Variants in FBN2 observed in about 807,000 individuals in gnomAD.
The protein encoded by FBN2 is fibrillin-2.
A neutral mutation model predicts 355.6 loss-of-function variants in FBN2; 105 were observed. The ratio of observed to expected loss-of-function variants is 0.30; its 90% CI spans 0.25 to 0.35. FBN2 has a LOEUF of 0.35. FBN2 is among the 10% of genes least tolerant of loss of function. The pLI is 1.00. For missense variants in FBN2, 3,280 were observed against 3,758.7 expected, an observed-to-expected ratio of 0.87 and a Z score of 3.33; for synonymous variants, 1,350 against 1,301.2, an observed-to-expected ratio of 1.04 and a Z score of -0.81.
At chr5:128,457,333 T>A (rs1754419954) in intron 6 of FBN2, among the ~76,000 whole-genome samples, 1 of 151,714 alleles carries the variant, frequency 6.6e-6, no homozygotes, top group Non-Finnish European at 1.5e-5. Context: ...TTGACTGGAG[T>A]ACCAGGAGGA....
chr5:128,335,672 T>C (rs1750816018), intron 28 of FBN2, 95 bp from the exon 29 acceptor site: 1 of 1,430,540 alleles, frequency 7.0e-7, no homozygotes, highest in Non-Finnish European at 9.9e-7. Flanking sequence ...GGCTTTGAAT[T>C]TTTCTCCCCA....
intron 25 of FBN2, among the ~76,000 whole-genome samples, chr5:128,341,458 A>G (rs1202337730): frequency 1.3e-5 from 2 of 152,206 alleles, no homozygotes; most frequent in East Asian, 3.9e-4. Flanking sequence ...TCTTCAGGAA[A>G]GAAGGACTTA....
chr5:128,451,774 T>C (rs913782447), intron 6 of FBN2, among the ~76,000 whole-genome samples: 1 of 152,174 alleles, frequency 6.6e-6, no homozygotes, highest in African/African-American at 2.4e-5. Context: ...AGAAACTTGT[T>C]TTCCTGGCAG....
At chr5:128,478,735 A>G (rs1414831882) in intron 5 of FBN2, among the ~76,000 whole-genome samples, 2 of 152,210 alleles carry the variant, frequency 1.3e-5, no homozygotes, top group Non-Finnish European at 2.9e-5. Flanking sequence ...ACAGAACACT[A>G]GGAGAACTAT....
chr5:128,273,207 A>G (rs1006437394), intron 61 of FBN2, among the ~76,000 whole-genome samples: 1 of 152,236 alleles, frequency 6.6e-6, no homozygotes, highest in South Asian at 2.1e-4. Flanking sequence ...TTCTTGTCAT[A>G]CACTGCCACT....
chr5:128,526,026 GACCT>G (rs749364132), intron 4 of FBN2, among the ~76,000 whole-genome samples: 13 of 152,126 alleles, frequency 8.5e-5, no homozygotes, highest in Non-Finnish European at 7.4e-5. Context: ...AAAAAAAGTT[GACCT>G]ACCCCTGACC....
intron 35 of FBN2, 127 bp from the exon 36 acceptor site, chr5:128,318,398 A>G (rs542676513): frequency 2.1e-6 from 2 of 931,368 alleles, no homozygotes; most frequent in Non-Finnish European, 3.5e-6. Flanking sequence ...GACTCAACAC[A>G]ATAAAATAAA....
intron 5 of FBN2, among the ~76,000 whole-genome samples, chr5:128,489,792 C>T (rs968008): frequency 0.11 from 16,008 of 152,042 alleles, 1,010 homozygotes; most frequent in African/African-American, 0.18. Context: ...AGCAACACAG[C>T]AACATAAAGA....
chr5:128,404,555 G>T (rs547582333), intron 8 of FBN2, among the ~76,000 whole-genome samples: 2 of 152,206 alleles, frequency 1.3e-5, no homozygotes, highest in East Asian at 1.9e-4. Context: ...CTGCAAGGCC[G>T]CTATAATCAA....
Position 128,336,054 on chromosome 5 carries a change from T to A in FBN2, c.3658A>T (p.Ile1220Phe), listed in dbSNP as rs1363412669. ...LCRNGKCVNMIGTYQCSCNPG... is the reference protein window; with the variant it reads ...LCRNGKCVNMFGTYQCSCNPG... ...TTGCAAGAGCACTGATAGGTTCCAA[T>A]CATGTTCACACATTTTCCATTTCTG... Residue 1220 changes from isoleucine to phenylalanine, a missense_variant, in exon 28 of 65, where the codon ATT becomes TTT. Ile to Phe is a conservative substitution (Grantham distance 21, BLOSUM62 0). Transcript: ENST00000262464. 6.2e-7 allele frequency: 1 copy of A among 1,613,790 alleles called. No homozygotes were observed. The highest frequency in any genetic ancestry group is 8.5e-7 in the Non-Finnish European group (1 of 1,179,812).
rs774778941 is a variant in FBN2 at position 128,349,948 on chromosome 5, C to T, written c.2863+7G>A. On this transcript the variant is annotated splice_region_variant and intron_variant, in intron 22 of 64. Transcript: ENST00000262464. ...GTATAGTATCTTCCAAGGAAGGATA[C>T]ACTCACCTTCACACGTAACACCTTT... 11 of 1,606,502 alleles carry T rather than the reference C, an allele frequency of 6.8e-6. No individual in the cohort carries two copies. Among genetic ancestry groups the T allele is most frequent in the Non-Finnish European group, 9.4e-6 (11 of 1,173,040 alleles).
In FBN2 at chr5:128,332,008, A is replaced by C. The variant is rs1164115245; in HGVS notation, c.4222+904T>G. Among the ~76,000 whole-genome samples, 7 of 152,342 alleles carry C rather than the reference A, an allele frequency of 4.6e-5. 1 individual carries two copies. The highest frequency in any genetic ancestry group is 4.6e-4 in the Admixed American group (7 of 15,306). ...CTAGAGGCTGGCACTTCACTAAGCC[A>C]TTGCAGGATGTTATTTAGCAGTTAT... On this transcript the variant is annotated intron_variant, in intron 32 of 64. Coordinates refer to ENST00000262464, the MANE Select transcript of FBN2 (RefSeq NM_001999.4).
chr5:128,373,052 T>C (rs1751986530), intron 15 of FBN2, among the ~76,000 whole-genome samples: 1 of 152,212 alleles, frequency 6.6e-6, no homozygotes, highest in Non-Finnish European at 1.5e-5. Flanking sequence ...ATAATGTTTT[T>C]ATTTTAAAAA....
rs574178571 is a variant in FBN2, at chr5:128,265,458, T to G, written c.7961-1802A>C. ...TATAAATGTATATCATGATTAAAATTTATAGACTTAAATAAATATGTTCCT... is the reference window on the plus strand; with the variant it reads ...TATAAATGTATATCATGATTAAAATGTATAGACTTAAATAAATATGTTCCT... On this transcript the variant is annotated intron_variant, in intron 62 of 64. Transcript: ENST00000262464. Among the ~76,000 whole-genome samples, 5 of 152,274 alleles carry G rather than the reference T, an allele frequency of 3.3e-5. No homozygotes were observed. In the East Asian group the frequency reaches 9.6e-4, roughly 29 times the overall value.
chr5:128,287,161 T>C (rs1023546356), intron 54 of FBN2, 147 bp downstream of exon 54: 9 of 986,240 alleles, frequency 9.1e-6, no homozygotes, highest in African/African-American at 1.6e-5. Context: ...TCTTGTTATC[T>C]AGGTATGGAA....
At chr5:128,334,210 C>T (rs1346700479) in intron 31 of FBN2, among the ~76,000 whole-genome samples, 1 of 151,488 alleles carries the variant, frequency 6.6e-6, no homozygotes, top group Non-Finnish European at 1.5e-5. Context: ...AATTTGGGCA[C>T]AGAGAAGAGA....
chr5:128,433,089 A>T (rs924372625), intron 7 of FBN2, among the ~76,000 whole-genome samples: 1 of 152,138 alleles, frequency 6.6e-6, no homozygotes, highest in Non-Finnish European at 1.5e-5. Context: ...GATTATGGGG[A>T]TTAAAATTCA....
chr5:128,274,964 C>A (rs1411737524), intron 59 of FBN2, among the ~76,000 whole-genome samples: 1 of 152,160 alleles, frequency 6.6e-6, no homozygotes, highest in Non-Finnish European at 1.5e-5. Context: ...GTTCTCAAAG[C>A]TACTATCCAA....
At chr5:128,440,819 A>G (rs1375828366) in intron 7 of FBN2, among the ~76,000 whole-genome samples, 1 of 152,228 alleles carries the variant, frequency 6.6e-6, no homozygotes, top group Admixed American at 6.5e-5. Flanking sequence ...CCTTAACTGA[A>G]TATCTAACAT....
Sources: allele counts gnomAD v4.1 joint callset (sites outside exome capture counted in the v4.1 genomes callset), GRCh38; gene constraint gnomAD v4.1.1; transcripts MANE v1.5; gene names NCBI Gene and HGNC (gene_info 2026-07-23, HGNC 2026-07-21).